Variants in C6 observed in about 807,000 individuals in gnomAD.
C6 encodes the protein complement component C6.
A neutral mutation model predicts 112.9 loss-of-function variants in C6; 101 were observed. That is an observed-to-expected ratio of 0.89 (90% confidence interval 0.76 to 1.06). C6 has a LOEUF of 1.06. C6 is among the 50% of genes least tolerant of loss of function. The pLI, the probability that C6 is intolerant of heterozygous loss-of-function variation, is 0.00. For synonymous variants in C6, 431 were observed against 384.1 expected (o/e 1.12, Z -1.43); for missense variants, 1,202 against 1,104.6 (o/e 1.09, Z -1.25).
rs373007108 is a variant in C6 at position 41,260,367 on chromosome 5, T to A, written c.-21+827A>T. Among the ~76,000 whole-genome samples, 4 of 152,036 alleles carry A rather than the reference T, an allele frequency of 2.6e-5. No homozygotes were observed. In the East Asian group the frequency reaches 5.8e-4, roughly 22 times the overall value. On this transcript the variant is annotated intron_variant, in intron 1 of 17. Coordinates refer to the C6 transcript ENST00000263413. Reference sequence around the variant, plus strand: ...TGGAGGCACAGACTTTCAAACACGTTATATCAAAACTTGTAATTAGTGCTT... The same window carrying A: ...TGGAGGCACAGACTTTCAAACACGTAATATCAAAACTTGTAATTAGTGCTT...
At chr5:41,214,837 A>G (rs2150398658), upstream of C6, among the ~76,000 whole-genome samples, 1 of 152,266 alleles carries the variant, frequency 6.6e-6, no homozygotes, top group South Asian at 2.1e-4. Context: ...GATGAGCTTA[A>G]AGAGGACTTT....
chr5:41,236,268 A>C (rs1740294122), intron 1 of C6, among the ~76,000 whole-genome samples: 1 of 110,304 alleles, frequency 9.1e-6, no homozygotes, highest in East Asian at 2.7e-4. Context: ...GGTGTAAGGA[A>C]GGGATCCAGT....
intron 1 of C6, among the ~76,000 whole-genome samples, chr5:41,246,863 T>C (rs1489995526): frequency 1.3e-5 from 2 of 152,180 alleles, no homozygotes; most frequent in African/African-American, 4.8e-5. Flanking sequence ...GAGCAATACA[T>C]CTTTACCTTC....
intron 1 of C6, among the ~76,000 whole-genome samples, chr5:41,248,150 T>C (rs377717382): frequency 1.9e-4 from 29 of 151,230 alleles, no homozygotes; most frequent in East Asian, 5.8e-4. Context: ...CCTGTATCTT[T>C]CACCATATAC....
chr5:41,227,941 T>C (rs1739625925), intron 1 of C6, among the ~76,000 whole-genome samples: 1 of 152,168 alleles, frequency 6.6e-6, no homozygotes, highest in African/African-American at 2.4e-5. Context: ...AAGATTACTT[T>C]GCTATTTGAG....
At chr5:41,248,436 G>A (rs1396511169) in intron 1 of C6, among the ~76,000 whole-genome samples, 1 of 152,198 alleles carries the variant, frequency 6.6e-6, no homozygotes, top group Non-Finnish European at 1.5e-5. Flanking sequence ...TGACAAAGGT[G>A]TAATATCCAG....
rs76598025 is a variant in C6, at chr5:41,196,549, G to A, written c.446-616C>T. 1.4e-3 allele frequency among the ~76,000 whole-genome samples: 208 copies of A among 151,850 alleles called. 6 individuals are homozygous for A. In the East Asian group the frequency reaches 0.038, roughly 28 times the overall value. On this transcript the variant is annotated intron_variant, in intron 4 of 17. Transcript: ENST00000337836. ...CTGTATTTTCTATATCTTGACATAG[G>A]ATTGTTTACATGATTGCATAATTTG...
chr5:41,223,245 C>T (rs895240639), intron 1 of C6, among the ~76,000 whole-genome samples: 1 of 152,038 alleles, frequency 6.6e-6, no homozygotes, highest in African/African-American at 2.4e-5. Flanking sequence ...ACAAAGAAAG[C>T]ACCAGATAAT....
At chr5:41,154,314 G>T (rs1010561768) in intron 14 of C6, among the ~76,000 whole-genome samples, 3 of 152,182 alleles carry the variant, frequency 2.0e-5, no homozygotes, top group Admixed American at 6.5e-5. Flanking sequence ...ATCCCTAGTG[G>T]ATTTCTCCAA....
intron 6 of C6, among the ~76,000 whole-genome samples, chr5:41,182,707 GA>G (rs1749452687): frequency 6.6e-6 from 1 of 152,202 alleles, no homozygotes; most frequent in South Asian, 2.1e-4. Flanking sequence ...CATGCCTAAA[GA>G]ATGAAGTTAT....
chr5:41,144,277 T>C (rs1745608271), intron 17 of C6, among the ~76,000 whole-genome samples: 2 of 151,430 alleles, frequency 1.3e-5, no homozygotes, highest in Non-Finnish European at 2.9e-5. Context: ...GTTTCTTTTC[T>C]TTTTTTTTGA....
chr5:41,179,471 G>T (rs1490261915), intron 7 of C6, among the ~76,000 whole-genome samples: 1 of 151,708 alleles, frequency 6.6e-6, no homozygotes, highest in East Asian at 1.9e-4. Context: ...CTGAGCTAGG[G>T]AGCTAAAAAT....
At chr5:41,252,583 A>G (rs1741434563) in intron 1 of C6, among the ~76,000 whole-genome samples, 1 of 152,180 alleles carries the variant, frequency 6.6e-6, no homozygotes, top group African/African-American at 2.4e-5. Flanking sequence ...TAATTCTTTG[A>G]TGTATTTTGA....
intron 5 of C6, among the ~76,000 whole-genome samples, chr5:41,187,910 A>G (rs1749909212): frequency 6.6e-6 from 1 of 152,186 alleles, no homozygotes; most frequent in Non-Finnish European, 1.5e-5. Context: ...AAAAGGTTGC[A>G]TACTAAGTTC....
chr5:41,172,008 G>C lies in C6; in HGVS notation c.1291+217C>G, dbSNP rs985639813. ...AAATCAATAAATTATTCATTAAACA[G>C]CCTAAGTATGAGATAAAGAAAACCT... is the stretch of plus-strand genomic sequence containing the variant. On this transcript the variant is annotated intron_variant, in intron 9 of 17. Coordinates refer to ENST00000337836, the MANE Select transcript of C6 (RefSeq NM_000065.5). 2.6e-5 allele frequency among the ~76,000 whole-genome samples: 4 copies of C among 152,248 alleles called. No individual in the cohort carries two copies. In the East Asian group the frequency reaches 7.7e-4, roughly 29 times the overall value.
At position 41,158,714 on chromosome 5, in the gene C6, C is replaced by G; in HGVS notation, c.1928G>C (p.Gly643Ala). The G allele has an allele frequency of 5.0e-6, 8 of 1,611,276 alleles. No individual in the cohort carries two copies. The highest frequency in any genetic ancestry group is 6.8e-6 in the Non-Finnish European group (8 of 1,177,640). ...TTCTGGAGGAACTGGCTGAGGACAC[C>G]CGGAATCTGCTTCTATCTCAGGAAG... ...VDLPEIEADS[G>A]CPQPVPPENG... The change falls in exon 13 of 18, where the codon GGG becomes GCG. Residue 643 changes from glycine to alanine, a missense_variant. Gly to Ala is a moderately conservative substitution (Grantham distance 60). Coordinates refer to ENST00000337836, the MANE Select transcript of C6 (RefSeq NM_000065.5).
rs1177993356 is a variant in C6, at chr5:41,172,222, T to G, written c.1291+3A>C. ...ATAAGCTGCTAAGAGAGAGTACTGT[T>G]ACCTTCATGTTTCTCTGACAGCTTG... On this transcript the variant is annotated splice_donor_region_variant and intron_variant, in intron 9 of 17. Coordinates refer to ENST00000337836, the MANE Select transcript of C6 (RefSeq NM_000065.5). 1.2e-6 allele frequency: 2 copies of G among 1,613,742 alleles called. No individual in the cohort carries two copies. The highest frequency in any genetic ancestry group is 1.7e-6 in the Non-Finnish European group (2 of 1,179,710).
chr5:41,143,981 C>T (rs1305645566), intron 17 of C6, among the ~76,000 whole-genome samples: 4 of 152,178 alleles, frequency 2.6e-5, no homozygotes, highest in African/African-American at 9.7e-5. Context: ...CTCATATATT[C>T]TACATGTATG....
At chr5:41,143,410 T>A (rs909385295) in intron 17 of C6, among the ~76,000 whole-genome samples, 1 of 152,230 alleles carries the variant, frequency 6.6e-6, no homozygotes, top group African/African-American at 2.4e-5. Context: ...ACTAGTCCTA[T>A]CAATCCATTT....
Sources: gnomAD v4.1 joint callset for allele counts (sites outside exome capture counted in the v4.1 genomes callset) on GRCh38, gnomAD v4.1.1 for gene constraint, MANE v1.5 for transcripts, NCBI Gene and HGNC (gene_info 2026-07-23, HGNC 2026-07-21) for gene names.